CARMIL1: variants seen among roughly 807,000 people sequenced by gnomAD.
CARMIL1 encodes capping protein regulator and myosin 1 linker 1.
CARMIL1 carries 90 observed loss-of-function variants against 177.1 expected under a neutral mutation model. The ratio of observed to expected loss-of-function variants is 0.51; its 90% CI spans 0.43 to 0.61. CARMIL1 has a LOEUF of 0.61. CARMIL1 is among the 20% of genes least tolerant of loss of function. The pLI is 0.00. For missense variants in CARMIL1, 1,380 were observed against 1,667.0 expected (o/e 0.83, Z 3.00); for synonymous variants, 577 against 606.2 (o/e 0.95, Z 0.71).
chr6:25,427,066 C>G (rs990942467), intron 4 of CARMIL1, among the ~76,000 whole-genome samples: 1 of 151,956 alleles, frequency 6.6e-6, no homozygotes, highest in Non-Finnish European at 1.5e-5. Context: ...CAGGTATCTA[C>G]TTTTGGTTGC....
intron 3 of CARMIL1, among the ~76,000 whole-genome samples, chr6:25,421,687 C>A (rs1366704659): frequency 2.8e-5 from 2 of 71,666 alleles, no homozygotes; most frequent in Non-Finnish European, 6.4e-5. Flanking sequence ...TGGAATACTA[C>A]GCAGCCATAA....
chr6:25,380,275 C>T (rs1791395602), intron 2 of CARMIL1, among the ~76,000 whole-genome samples: 1 of 152,150 alleles, frequency 6.6e-6, no homozygotes, highest in Admixed American at 6.5e-5. Context: ...GCAGAAGTCA[C>T]CAAACTTTTA....
chr6:25,550,068 CT>C lies in CARMIL1; in HGVS notation c.2329-841del, dbSNP rs139130664. Among the ~76,000 whole-genome samples the C allele has an allele frequency of 2.0e-3, 301 of 152,288 alleles. 2 individuals carry two copies. Among genetic ancestry groups the C allele is most frequent in the African/African-American group, 6.3e-3 (262 of 41,570 alleles). On this transcript the variant is annotated intron_variant, in intron 26 of 36. Coordinates refer to ENST00000329474, the MANE Select transcript of CARMIL1 (RefSeq NM_017640.6). ...ACTCAGCTAGATTTCAAATTTAGGT[CT>C]GACACTGATGCTGATGCCCTTTCCA...
intron 2 of CARMIL1, among the ~76,000 whole-genome samples, chr6:25,285,974 C>G (rs1226699418): frequency 2.6e-5 from 4 of 152,174 alleles, no homozygotes; most frequent in South Asian, 4.1e-4. Context: ...CAGGCTCAAG[C>G]GATCCTCCCA....
intron 24 of CARMIL1, among the ~76,000 whole-genome samples, chr6:25,529,724 C>CGGCCT (rs1050204352): frequency 2.6e-4 from 11 of 42,268 alleles, no homozygotes; most frequent in Admixed American, 1.4e-3. Flanking sequence ...GTCCGCAGTC[C>CGGCCT]GGCCTGGGCG....
chr6:25,369,374 A>ATT (rs1364472995), intron 2 of CARMIL1, among the ~76,000 whole-genome samples: 5,623 of 95,790 alleles, frequency 0.059, 125 homozygotes, highest in Non-Finnish European at 0.077. Flanking sequence ...GCAATGCTGT[A>ATT]TTTTGTTTTT....
At chr6:25,364,588 A>G (rs1323012841) in intron 2 of CARMIL1, among the ~76,000 whole-genome samples, 1 of 133,168 alleles carries the variant, frequency 7.5e-6, no homozygotes, top group Non-Finnish European at 1.8e-5. Flanking sequence ...TTTGAGACAG[A>G]GTTTCTGTCT....
chr6:25,468,973 T>G (rs913312500), intron 9 of CARMIL1, among the ~76,000 whole-genome samples: 7 of 152,224 alleles, frequency 4.6e-5, no homozygotes, highest in Non-Finnish European at 7.3e-5. Flanking sequence ...AAACATTATC[T>G]AAGTAATCAC....
At chr6:25,399,745 C>T (rs116064560) in intron 2 of CARMIL1, among the ~76,000 whole-genome samples, 159 of 152,180 alleles carry the variant, frequency 1.0e-3, no homozygotes, top group African/African-American at 3.7e-3. Context: ...TTTCCAATTT[C>T]AGTTGCTTTA....
chr6:25,535,578 T>C (rs906472052), intron 24 of CARMIL1, among the ~76,000 whole-genome samples: 5 of 152,160 alleles, frequency 3.3e-5, no homozygotes, highest in African/African-American at 1.2e-4. Context: ...CTGAACACTA[T>C]AGGGTTAGGG....
intron 36 of CARMIL1, among the ~76,000 whole-genome samples, chr6:25,614,325 G>C (rs1816733428): frequency 6.6e-6 from 1 of 152,158 alleles, no homozygotes; most frequent in Non-Finnish European, 1.5e-5. Context: ...CATTGTTTGG[G>C]CTGGGTAGCT....
At position 25,515,267 on chromosome 6, in the gene CARMIL1, A is replaced by G. The variant is rs1242789414; in HGVS notation, c.1633-408A>G. Among the ~76,000 whole-genome samples the G allele has an allele frequency of 6.6e-6, 1 of 152,198 alleles. No homozygotes were observed. Among genetic ancestry groups the G allele is most frequent in the Non-Finnish European group, 1.5e-5 (1 of 68,028 alleles). ...TAATCCTGGCTGGCTTTTATCTTGTATTTGTCCTCTATTAGTATTTTAAGG... is the reference window on the plus strand; with the variant it reads ...TAATCCTGGCTGGCTTTTATCTTGTGTTTGTCCTCTATTAGTATTTTAAGG... On this transcript the variant is annotated intron_variant, in intron 20 of 36. Transcript: ENST00000329474. This position sits in a 1 kb window ranked among gnomAD's most constrained non-coding sequence, Gnocchi z 5.0.
At chr6:25,550,832 TA>T in intron 26 of CARMIL1, 77 bp from the exon 27 acceptor site, 1 of 1,345,868 alleles carries the variant, frequency 7.4e-7, no homozygotes, top group Non-Finnish European at 1.0e-6. Context: ...GTGTCATATA[TA>T]ACCACCTTTC....
intron 2 of CARMIL1, among the ~76,000 whole-genome samples, chr6:25,383,066 T>C (rs571058500): frequency 6.6e-6 from 1 of 151,994 alleles, no homozygotes; most frequent in Admixed American, 6.6e-5. Context: ...GAGGAGTGGG[T>C]TGGGTTGAGT....
intron 13 of CARMIL1, among the ~76,000 whole-genome samples, chr6:25,491,471 C>T (rs1409986761): frequency 1.3e-5 from 2 of 152,162 alleles, no homozygotes; most frequent in Non-Finnish European, 2.9e-5. Flanking sequence ...TCCAGGAAAA[C>T]TAAGTCATGC....
At chr6:25,348,650 C>T (rs112859233) in intron 2 of CARMIL1, among the ~76,000 whole-genome samples, 8,931 of 151,660 alleles carry the variant, frequency 0.059, 574 homozygotes, top group African/African-American at 0.16. Flanking sequence ...GGCGTGGCTG[C>T]GTGTGCCTGT....
intron 3 of CARMIL1, among the ~76,000 whole-genome samples, chr6:25,420,878 G>A (rs990636785): frequency 1.3e-5 from 2 of 152,204 alleles, no homozygotes; most frequent in African/African-American, 4.8e-5. Context: ...AATGGTCATA[G>A]GAAATTGAGA....
At chr6:25,431,289 T>G (rs1796762425) in intron 4 of CARMIL1, among the ~76,000 whole-genome samples, 1 of 151,842 alleles carries the variant, frequency 6.6e-6, no homozygotes, top group Non-Finnish European at 1.5e-5. Context: ...TGTGTGTGTT[T>G]GTGTGTATGT....
At chr6:25,344,909 A>G (rs771846822) in intron 2 of CARMIL1, among the ~76,000 whole-genome samples, 8 of 152,078 alleles carry the variant, frequency 5.3e-5, no homozygotes, top group Non-Finnish European at 8.8e-5. Context: ...CATATGAGTT[A>G]TTATTTTTCT....
Sources: allele counts gnomAD v4.1 joint callset (sites outside exome capture counted in the v4.1 genomes callset), GRCh38; gene constraint gnomAD v4.1.1; non-coding constraint Gnocchi (gnomAD v3.1); transcripts MANE v1.5; gene names NCBI Gene and HGNC (gene_info 2026-07-23, HGNC 2026-07-21).